PCLO: variants seen among roughly 807,000 people sequenced by gnomAD.
PCLO encodes piccolo presynaptic cytomatrix protein, also known as protein piccolo.
PCLO carries 82 observed loss-of-function variants against 427.5 expected under a neutral mutation model. The ratio of observed to expected loss-of-function variants is 0.19; its 90% CI spans 0.16 to 0.23. PCLO has a LOEUF of 0.23. Among genes scored for constraint, PCLO ranks in the 10% least tolerant of loss-of-function variants. The pLI is 1.00. For synonymous variants in PCLO, 2,357 were observed against 2,155.4 expected (o/e 1.09, Z -2.59); for missense variants, 6,239 against 6,115.9 (o/e 1.02, Z -0.67).
At chr7:83,109,191 C>A (rs771312290) in intron 3 of PCLO, among the ~76,000 whole-genome samples, 16 of 152,156 alleles carry the variant, frequency 1.1e-4, no homozygotes, top group Non-Finnish European at 1.9e-4. Context: ...CCTTGCCAGA[C>A]TGACTAGAAA....
intron 10 of PCLO, among the ~76,000 whole-genome samples, chr7:82,865,282 G>C (rs1793064207): frequency 6.6e-6 from 1 of 152,130 alleles, no homozygotes; most frequent in African/African-American, 2.4e-5. Context: ...GAGATCAGGA[G>C]TTCGAGACCA....
At chr7:83,059,112 T>C (rs1789474031) in intron 3 of PCLO, among the ~76,000 whole-genome samples, 1 of 150,650 alleles carries the variant, frequency 6.6e-6, no homozygotes, top group Non-Finnish European at 1.5e-5. Context: ...ATACATACTA[T>C]ATATGAGATA....
chr7:82,933,686 CAAAT>C (rs535974123), intron 6 of PCLO, among the ~76,000 whole-genome samples: 2 of 151,788 alleles, frequency 1.3e-5, no homozygotes, highest in South Asian at 2.1e-4. Flanking sequence ...TAAACACACA[CAAAT>C]AAAAACATGT....
At chr7:82,888,952 C>A (rs1340298376) in intron 9 of PCLO, among the ~76,000 whole-genome samples, 1 of 151,416 alleles carries the variant, frequency 6.6e-6, no homozygotes, top group Non-Finnish European at 1.5e-5. Context: ...CCCCCCGCCC[C>A]CTGCCCCACC....
chr7:83,119,479 G>A (rs1392603020), intron 3 of PCLO, among the ~76,000 whole-genome samples: 4 of 151,906 alleles, frequency 2.6e-5, no homozygotes, highest in Admixed American at 1.3e-4. Flanking sequence ...GATCTCTAGT[G>A]CAGATAAAAA....
intron 3 of PCLO, among the ~76,000 whole-genome samples, chr7:83,064,126 A>G (rs77312673): frequency 0.024 from 3,703 of 152,126 alleles, 145 homozygotes; most frequent in African/African-American, 0.084. Context: ...CTGTGAAACA[A>G]TTTCTGGGGC....
rs750867487 is a variant in PCLO at position 82,953,681 on chromosome 7, GGGAGGAGGGGGTGGTGGTGGAGGAGGA to G, written c.7245_7271del (p.Pro2418_Pro2426del). The G allele has an allele frequency of 3.9e-6, 5 of 1,291,770 alleles. No individual in the cohort carries two copies. Among genetic ancestry groups the G allele is most frequent in the Non-Finnish European group, 2.1e-6 (2 of 937,620 alleles). The allele number at this position is 1,291,770 out of a possible 1,614,324, so 80.0% of individuals were successfully genotyped here. On this transcript the variant is annotated inframe_deletion, in exon 5 of 25. Transcript: ENST00000333891. ...GTGAAGTTGGTGGAGGAAGTGGTGG[GGGAGGAGGGGGTGGTGGTGGAGGAGGA>G]GGAGGAGGGGGAGGGGGAGGAGGGG...
intron 2 of PCLO, among the ~76,000 whole-genome samples, chr7:83,154,123 C>T (rs1229223284): frequency 1.3e-5 from 2 of 152,098 alleles, no homozygotes; most frequent in Non-Finnish European, 2.9e-5. Context: ...TTAAGGCTAC[C>T]CAGATTCAAG....
chr7:82,868,274 A>C (rs1793145300), intron 10 of PCLO: 3 of 455,136 alleles, frequency 6.6e-6, no homozygotes, highest in African/African-American at 6.0e-5. Flanking sequence ...GTTATGCTGG[A>C]GTGCGTCCTC....
intron 3 of PCLO, among the ~76,000 whole-genome samples, chr7:83,079,198 A>G (rs1273232622): frequency 1.3e-5 from 2 of 152,194 alleles, no homozygotes; most frequent in Non-Finnish European, 2.9e-5. Flanking sequence ...GTAACATCAC[A>G]TGAATACCAA....
At chr7:83,045,800 C>T (rs1405007003) in intron 3 of PCLO, among the ~76,000 whole-genome samples, 2 of 152,038 alleles carry the variant, frequency 1.3e-5, no homozygotes, top group Middle Eastern at 3.2e-3. Context: ...AGAGGCAGAC[C>T]TCTCTCAGGA....
At chr7:82,919,195 C>CCTGCACATT (rs1794539341) in intron 6 of PCLO, among the ~76,000 whole-genome samples, 1 of 151,858 alleles carries the variant, frequency 6.6e-6, no homozygotes, top group Admixed American at 6.6e-5. Context: ...AAGTAACAAA[C>CCTGCACATT]CTGCACATTC....
chr7:82,828,672 C>T (rs990326579), intron 16 of PCLO, among the ~76,000 whole-genome samples: 15 of 152,218 alleles, frequency 9.9e-5, no homozygotes, highest in Admixed American at 3.3e-4. Flanking sequence ...CATTTAAAAA[C>T]AATTTATTTT....
Position 82,950,946 on chromosome 7 carries a change from T to C in PCLO, c.9642A>G (p.Leu3214=). The change falls in exon 6 of 25, where the codon CTA becomes CTG. Residue 3214 remains leucine (L), a synonymous_variant. Transcript: ENST00000333891. ...VPEEDKQQQQ[L]DLERELLELE... ...GTTCCAGGAGCTCACGCTCCAAGTC[T>C]AGCTGCTGCTGTTGTTTATCTTCTT... 6.2e-7 allele frequency: 1 copy of C among 1,613,522 alleles called. No individual in the cohort carries two copies. The highest frequency in any genetic ancestry group is 8.5e-7 in the Non-Finnish European group (1 of 1,179,868).
chr7:83,005,497 C>T (rs1051531667), intron 3 of PCLO, among the ~76,000 whole-genome samples: 1 of 151,494 alleles, frequency 6.6e-6, no homozygotes, highest in South Asian at 2.1e-4. Flanking sequence ...ATCTAAAGTA[C>T]AGCATGGTGA....
intron 7 of PCLO, among the ~76,000 whole-genome samples, chr7:82,913,027 T>C (rs796679523): frequency 6.6e-6 from 1 of 152,064 alleles, no homozygotes; most frequent in South Asian, 2.1e-4. Flanking sequence ...GTTTATAAAA[T>C]GTGGATTGTA....
chr7:83,058,915 GA>G (rs1396027596), intron 3 of PCLO, among the ~76,000 whole-genome samples: 2 of 151,954 alleles, frequency 1.3e-5, no homozygotes, highest in South Asian at 2.1e-4. Flanking sequence ...ATATTCATTT[GA>G]GCAAAATTAC....
intron 3 of PCLO, among the ~76,000 whole-genome samples, chr7:83,079,799 C>T (rs138812634): frequency 0.013 from 1,917 of 152,114 alleles, 44 homozygotes; most frequent in African/African-American, 0.043. Flanking sequence ...TTGTGGTTTG[C>T]TGCACCTATC....
intron 3 of PCLO, among the ~76,000 whole-genome samples, chr7:82,999,217 T>C (rs1471634897): frequency 2.1e-5 from 3 of 144,126 alleles, no homozygotes; most frequent in Admixed American, 1.4e-4. Flanking sequence ...CTATTAAAGA[T>C]ATATGGATAT....
Sources: allele counts gnomAD v4.1 joint callset (sites outside exome capture counted in the v4.1 genomes callset), GRCh38; gene constraint gnomAD v4.1.1; transcripts MANE v1.5; gene names NCBI Gene and HGNC (gene_info 2026-07-23, HGNC 2026-07-21).